ANKS1B: variants seen among roughly 807,000 people sequenced by gnomAD.
ANKS1B encodes the protein ankyrin repeat and sterile alpha motif domain-containing protein 1B.
In ANKS1B, 36 loss-of-function variants were observed where a neutral mutation model predicts 148.3. The ratio of observed to expected loss-of-function variants is 0.24; its 90% confidence interval spans 0.19 to 0.32. The LOEUF (loss-of-function observed/expected upper bound fraction) is 0.32, where lower values mean the gene tolerates loss of function less well. Among genes scored for constraint, ANKS1B ranks in the 10% least tolerant of loss-of-function variants. The pLI is 1.00. For synonymous variants in ANKS1B, 542 were observed against 560.8 expected (o/e 0.97, Z 0.47); for missense variants, 1,157 against 1,542.6 (o/e 0.75, Z 4.19).
intron 16 of ANKS1B, among the ~76,000 whole-genome samples, chr12:99,059,016 C>T (rs901087486): frequency 5.0e-4 from 9 of 18,016 alleles, no homozygotes; most frequent in Non-Finnish European, 7.5e-4. Context: ...GGATTACAGG[C>T]GTGAGCCACC....
At chr12:99,070,752 C>G (rs748297472) in intron 16 of ANKS1B, among the ~76,000 whole-genome samples, 1 of 152,172 alleles carries the variant, frequency 6.6e-6, no homozygotes, top group Non-Finnish European at 1.5e-5. Flanking sequence ...GATCATAGCT[C>G]TCTGCTCTCT....
chr12:99,399,630 C>T lies in ANKS1B; in HGVS notation c.1756+1G>A. The T allele has an allele frequency of 6.2e-7, 1 of 1,612,882 alleles. No individual in the cohort carries two copies. The highest frequency in any genetic ancestry group is 8.5e-7 in the Non-Finnish European group (1 of 1,179,172). Reference sequence around the variant, plus strand: ...CAGCTGCATAAAGTGAACTGCTTTACCTGTATGGTTAGTTCCCTCATTCTT... The same window carrying T: ...CAGCTGCATAAAGTGAACTGCTTTATCTGTATGGTTAGTTCCCTCATTCTT... On this transcript the variant is annotated splice_donor_variant, in intron 12 of 26. Coordinates refer to ENST00000683438, the MANE Select transcript of ANKS1B (RefSeq NM_001352186.2). LOFTEE classifies it high-confidence loss of function.
chr12:99,440,823 C>T (rs1019110395), intron 11 of ANKS1B, among the ~76,000 whole-genome samples: 2 of 151,778 alleles, frequency 1.3e-5, no homozygotes, highest in African/African-American at 2.4e-5. Context: ...AAATAAACTA[C>T]ATAAAGGTAT....
intron 9 of ANKS1B, among the ~76,000 whole-genome samples, chr12:99,652,624 G>GAGATACTTTTTAAACTCAAC (rs2153439937): frequency 6.6e-6 from 1 of 152,004 alleles, no homozygotes; most frequent in Non-Finnish European, 1.5e-5. Flanking sequence ...AATCCCAATA[G>GAGATACTTTTTAAACTCAAC]AGATACTTTT....
intron 12 of ANKS1B, among the ~76,000 whole-genome samples, chr12:99,353,531 T>C (rs11109807): frequency 0.33 from 50,712 of 151,878 alleles, 9,867 homozygotes; most frequent in African/African-American, 0.53. Flanking sequence ...AGTTTCATCT[T>C]CTCTCCCAGA....
At chr12:99,544,581 T>A (rs761177491) in intron 9 of ANKS1B, among the ~76,000 whole-genome samples, 5 of 152,188 alleles carry the variant, frequency 3.3e-5, no homozygotes, top group Admixed American at 1.3e-4. Context: ...GACAGCTTCA[T>A]TGCCACTGCC....
At chr12:99,700,088 G>T (rs1166936195) in intron 8 of ANKS1B, among the ~76,000 whole-genome samples, 1 of 152,116 alleles carries the variant, frequency 6.6e-6, no homozygotes, top group Non-Finnish European at 1.5e-5. Flanking sequence ...ACCAAGGTTT[G>T]CACAGAAGAC....
intron 1 of ANKS1B, among the ~76,000 whole-genome samples, chr12:99,939,756 T>C (rs2094873078): frequency 6.6e-6 from 1 of 152,108 alleles, no homozygotes; most frequent in South Asian, 2.1e-4. Flanking sequence ...TTTTAAAGAG[T>C]AAATTCAGTT....
intron 14 of ANKS1B, among the ~76,000 whole-genome samples, chr12:99,182,009 A>T (rs1305444357): frequency 6.6e-6 from 1 of 151,976 alleles, no homozygotes; most frequent in Non-Finnish European, 1.5e-5. Flanking sequence ...GTCCATTTTC[A>T]CACTGCTATA....
Position 99,000,268 on chromosome 12 carries a change from CTTTT to C in ANKS1B, c.2778+52885_2778+52888del, listed in dbSNP as rs905457820. 3.8e-3 allele frequency among the ~76,000 whole-genome samples: 471 copies of C among 125,432 alleles called. 3 individuals carry two copies. Among genetic ancestry groups the C allele is most frequent in the African/African-American group, 0.014 (451 of 32,698 alleles). The allele number at this position is 125,432 out of a possible 152,430, so 82.3% of individuals were successfully genotyped here. On this transcript the variant is annotated intron_variant, in intron 17 of 26. Transcript: ENST00000683438. ...TTCTTTTCTTTTCTTTTTCTTTTTC[CTTTT>C]TTTTTTTTTTTTTTTGAGATGGAGT...
chr12:98,851,364 C>T (rs1030323978), intron 17 of ANKS1B, among the ~76,000 whole-genome samples: 3 of 152,110 alleles, frequency 2.0e-5, no homozygotes, highest in Admixed American at 6.5e-5. Context: ...GAATAGAAGA[C>T]AGGCTTCAGG....
intron 8 of ANKS1B, among the ~76,000 whole-genome samples, chr12:99,664,656 T>C (rs2098496966): frequency 6.6e-6 from 1 of 152,132 alleles, no homozygotes; most frequent in Non-Finnish European, 1.5e-5. Context: ...ACAATCAAGA[T>C]ACAGAACATT....
intron 12 of ANKS1B, among the ~76,000 whole-genome samples, chr12:99,358,881 G>T (rs908066985): frequency 6.6e-6 from 1 of 152,082 alleles, no homozygotes; most frequent in Non-Finnish European, 1.5e-5. Flanking sequence ...AAACAAGCAG[G>T]GAATTCTACT....
At chr12:99,021,119 A>AAC (rs2153437213) in intron 17 of ANKS1B, among the ~76,000 whole-genome samples, 1 of 152,266 alleles carries the variant, frequency 6.6e-6, no homozygotes, top group African/African-American at 2.4e-5. Context: ...GAAGGTAAGA[A>AAC]ACGGTAAGAA....
chr12:98,773,241 A>T (rs2098616491), intron 24 of ANKS1B, 62 bp from the exon 25 acceptor site: 9 of 1,525,468 alleles, frequency 5.9e-6, no homozygotes, highest in Non-Finnish European at 7.0e-6. Flanking sequence ...ATGACAACCA[A>T]GACAAGTAAC....
chr12:99,016,593 T>A (rs184062326), intron 17 of ANKS1B, among the ~76,000 whole-genome samples: 2 of 151,786 alleles, frequency 1.3e-5, no homozygotes, highest in East Asian at 3.9e-4. Flanking sequence ...GAGGTGGAGG[T>A]TGCAGTGAGC....
intron 8 of ANKS1B, among the ~76,000 whole-genome samples, chr12:99,665,969 ATTGAG>A (rs576067593): frequency 1.6e-4 from 25 of 152,206 alleles, no homozygotes; most frequent in Middle Eastern, 3.4e-3. Context: ...TTTGTTCTAT[ATTGAG>A]TTAATTTTCA....
At chr12:99,362,493 G>T (rs1033696538) in intron 12 of ANKS1B, among the ~76,000 whole-genome samples, 2 of 151,930 alleles carry the variant, frequency 1.3e-5, no homozygotes, top group Non-Finnish European at 2.9e-5. Flanking sequence ...ATGTTAAAGT[G>T]TGCCTAATAA....
intron 15 of ANKS1B, among the ~76,000 whole-genome samples, chr12:99,125,181 G>A (rs1244586364): frequency 2.0e-5 from 3 of 152,194 alleles, no homozygotes; most frequent in Non-Finnish European, 2.9e-5. Flanking sequence ...AGCAGGGGTA[G>A]TGAAGCCTTT....
Sources: allele counts gnomAD v4.1 joint callset (sites outside exome capture counted in the v4.1 genomes callset), GRCh38; gene constraint gnomAD v4.1.1; transcripts MANE v1.5; gene names NCBI Gene and HGNC (gene_info 2026-07-23, HGNC 2026-07-21).